Variants in NTN1 observed in about 807,000 individuals in gnomAD.
NTN1 encodes the protein netrin-1.
A neutral mutation model predicts 54.2 loss-of-function variants in NTN1; 11 were observed. The ratio of observed to expected loss-of-function variants is 0.20; its 90% CI spans 0.13 to 0.34. The LOEUF (loss-of-function observed/expected upper bound fraction) is 0.34. NTN1 is among the 10% of genes least tolerant of loss of function. NTN1 has a pLI of 1.00. For missense variants in NTN1, 740 were observed against 893.1 expected (o/e 0.83, Z 2.18); for synonymous variants, 371 against 382.0 (o/e 0.97, Z 0.33).
intron 2 of NTN1, among the ~76,000 whole-genome samples, chr17:9,068,434 A>T (rs2092022273): frequency 6.6e-6 from 1 of 151,530 alleles, no homozygotes; most frequent in Non-Finnish European, 1.5e-5. Flanking sequence ...ATCCTCCTGC[A>T]TTGGCCCCCC....
At chr17:9,036,448 C>A (rs140695342) in intron 2 of NTN1, among the ~76,000 whole-genome samples, 4 of 137,228 alleles carry the variant, frequency 2.9e-5, no homozygotes, top group African/African-American at 1.1e-4. Flanking sequence ...CAGTCTAGAG[C>A]ACAGTGGTGC....
chr17:9,200,446 C>G (rs967915823), intron 5 of NTN1, among the ~76,000 whole-genome samples: 2 of 152,210 alleles, frequency 1.3e-5, no homozygotes, highest in African/African-American at 4.8e-5. Flanking sequence ...GCTGTTACAG[C>G]GGATTAGCAG....
chr17:9,090,545 G>T (rs2092106720), intron 2 of NTN1, among the ~76,000 whole-genome samples: 1 of 152,058 alleles, frequency 6.6e-6, no homozygotes, highest in Admixed American at 6.6e-5. Context: ...GAAAGTCATG[G>T]ATGTTTCTGG....
intron 6 of NTN1, among the ~76,000 whole-genome samples, chr17:9,227,700 C>G (rs530587715): frequency 4.8e-5 from 3 of 62,294 alleles, no homozygotes; most frequent in South Asian, 5.3e-4. Flanking sequence ...TACAGACACA[C>G]GTATCACACG....
intron 6 of NTN1, among the ~76,000 whole-genome samples, chr17:9,235,801 C>A (rs1228702692): frequency 6.7e-6 from 1 of 149,790 alleles, no homozygotes; most frequent in African/African-American, 2.5e-5. Flanking sequence ...GTCACCCAGG[C>A]TGGAGTGCAG....
chr17:9,071,659 CG>C (rs2092032451), intron 2 of NTN1, among the ~76,000 whole-genome samples: 1 of 152,200 alleles, frequency 6.6e-6, no homozygotes, highest in Non-Finnish European at 1.5e-5. Context: ...TGCCCATGGG[CG>C]GGAGACCCTG....
intron 2 of NTN1, among the ~76,000 whole-genome samples, chr17:9,107,774 A>G (rs2092172628): frequency 6.6e-6 from 1 of 152,256 alleles, no homozygotes. Context: ...TTCGCACTGC[A>G]ATGTCGGTGT....
At chr17:9,045,474 G>A (rs1240762292) in intron 2 of NTN1, among the ~76,000 whole-genome samples, 5 of 152,124 alleles carry the variant, frequency 3.3e-5, no homozygotes, top group African/African-American at 1.2e-4. Flanking sequence ...ACGGGCAGGC[G>A]ACCCAGCTTC....
chr17:9,160,185 C>T (rs1597510601), intron 2 of NTN1, among the ~76,000 whole-genome samples: 1 of 152,230 alleles, frequency 6.6e-6, no homozygotes, highest in East Asian at 1.9e-4. Flanking sequence ...CTCATGGCAA[C>T]CTCCACCTCC....
chr17:9,171,657 G>A (rs1167625511), intron 3 of NTN1: 1 of 152,286 alleles, frequency 6.6e-6, no homozygotes, highest in Non-Finnish European at 1.5e-5. Flanking sequence ...TGAGACCTGG[G>A]GTGTGGGGAG....
chr17:9,201,853 C>A (rs1041086290), intron 5 of NTN1, among the ~76,000 whole-genome samples: 1 of 151,566 alleles, frequency 6.6e-6, no homozygotes, highest in Non-Finnish European at 1.5e-5. Context: ...TTAGAAATCC[C>A]GTGTCTGGGG....
chr17:9,095,010 A>G (rs2092126123), intron 2 of NTN1, among the ~76,000 whole-genome samples: 1 of 147,006 alleles, frequency 6.8e-6, no homozygotes, highest in Non-Finnish European at 1.5e-5. Context: ...AAAAAAAAAA[A>G]AAGAAACAGC....
chr17:9,078,549 A>G (rs1597479748), intron 2 of NTN1, among the ~76,000 whole-genome samples: 1 of 152,228 alleles, frequency 6.6e-6, no homozygotes, highest in Admixed American at 6.5e-5. Context: ...ACCACATTTC[A>G]GGGTAGCTTC....
Position 9,239,611 on chromosome 17 carries a change from C to A in NTN1, c.1487-29C>A. 4 of 1,593,650 alleles carry A rather than the reference C, an allele frequency of 2.5e-6. No individual in the cohort carries two copies. The highest frequency in any genetic ancestry group is 2.6e-6 in the Non-Finnish European group (3 of 1,164,644). On this transcript the variant is annotated intron_variant, in intron 6 of 6. Transcript: ENST00000173229. This position sits in a 1 kb window ranked among gnomAD's most constrained non-coding sequence, Gnocchi z 5.2. ...CGGACCTAGCCACAGCAGCTGGGAG[C>A]CCACCCGTCTGCCTGTGCTTCCTTG...
chr17:9,010,472 C>T, the NTN1 span, among the ~76,000 whole-genome samples: 3 of 152,138 alleles, frequency 2.0e-5, no homozygotes, highest in South Asian at 2.1e-4. Flanking sequence ...GGTCACTTCC[C>T]GTAAGAAGAA....
intron 2 of NTN1, among the ~76,000 whole-genome samples, chr17:9,112,092 A>G (rs1003133344): frequency 2.4e-4 from 36 of 152,368 alleles, no homozygotes; most frequent in African/African-American, 8.7e-4. Flanking sequence ...GTGAACAGGT[A>G]CAAGCCAGGC....
At chr17:9,103,153 G>A (rs865937299) in intron 2 of NTN1, among the ~76,000 whole-genome samples, 4 of 152,178 alleles carry the variant, frequency 2.6e-5, no homozygotes. Flanking sequence ...AAGCTAAAAA[G>A]TGATTGACAG....
intron 3 of NTN1, among the ~76,000 whole-genome samples, chr17:9,164,369 G>A (rs1597512710): frequency 6.6e-6 from 1 of 151,440 alleles, no homozygotes; most frequent in Non-Finnish European, 1.5e-5. Flanking sequence ...AGGTTGCAGT[G>A]AGCCAAGATC....
intron 2 of NTN1, among the ~76,000 whole-genome samples, chr17:9,161,035 G>A (rs72811957): frequency 0.081 from 12,280 of 152,300 alleles, 580 homozygotes; most frequent in African/African-American, 0.12. Flanking sequence ...CACACTGAGC[G>A]TGAAACCATG....
Sources: gnomAD v4.1 joint callset for allele counts (sites outside exome capture counted in the v4.1 genomes callset) on GRCh38, gnomAD v4.1.1 for gene constraint, Gnocchi (gnomAD v3.1) non-coding constraint, MANE v1.5 for transcripts, NCBI Gene and HGNC (gene_info 2026-07-23, HGNC 2026-07-21) for gene names.